Variants in PIK3AP1 observed in about 807,000 individuals in gnomAD.
PIK3AP1 encodes phosphoinositide-3-kinase adaptor protein 1, also known as phosphoinositide 3-kinase adapter protein 1.
A neutral mutation model predicts 88.1 loss-of-function variants in PIK3AP1; 21 were observed. That is an observed-to-expected ratio of 0.24 (90% CI 0.17 to 0.34). PIK3AP1 has a LOEUF of 0.34. Among genes scored for constraint, PIK3AP1 ranks in the 10% least tolerant of loss-of-function variants. The pLI is 1.00. For missense variants in PIK3AP1, 828 were observed against 1,035.7 expected (o/e 0.80, Z 2.75); for synonymous variants, 398 against 400.0 (o/e 1.00, Z 0.06).
rs573597733 is a variant in PIK3AP1, at chr10:96,596,388, G to A, written c.2361-754C>T. ...GATGCTTCCCCATGTAGCCCCCTAT[G>A]GGTTGATGTACCCCTGTTTTGGGAT... is the stretch of plus-strand genomic sequence containing the variant. On this transcript the variant is annotated intron_variant, in intron 16 of 16. Transcript: ENST00000339364. Among the ~76,000 whole-genome samples, 3 of 152,296 alleles carry A rather than the reference G, an allele frequency of 2.0e-5. No homozygotes were observed. The East Asian group carries it at 5.8e-4, about 29-fold the overall frequency.
chr10:96,634,957 G>A (rs1367841531), intron 8 of PIK3AP1, among the ~76,000 whole-genome samples: 1 of 152,110 alleles, frequency 6.6e-6, no homozygotes, highest in African/African-American at 2.4e-5. Flanking sequence ...TTCAAGCCTA[G>A]CAATATTGGG....
At chr10:96,629,924 A>AG (rs1554955569) in intron 8 of PIK3AP1, among the ~76,000 whole-genome samples, 2 of 57,876 alleles carry the variant, frequency 3.5e-5, no homozygotes, top group East Asian at 5.9e-4. Flanking sequence ...AAAAAAAAAA[A>AG]AAAAAAAAGA....
At chr10:96,690,113 A>G (rs1589539547) in intron 2 of PIK3AP1, among the ~76,000 whole-genome samples, 1 of 152,308 alleles carries the variant, frequency 6.6e-6, no homozygotes, top group South Asian at 2.1e-4. Flanking sequence ...GAAGGTAATT[A>G]TCATGTATCT....
intron 14 of PIK3AP1, among the ~76,000 whole-genome samples, chr10:96,606,771 G>T (rs1849009906): frequency 6.6e-6 from 1 of 152,182 alleles, no homozygotes; most frequent in Non-Finnish European, 1.5e-5. Context: ...GACAGGCTCT[G>T]GTTCTTTTTC....
chr10:96,660,006 CTA>C (rs1843664766), intron 2 of PIK3AP1, among the ~76,000 whole-genome samples: 1 of 151,722 alleles, frequency 6.6e-6, no homozygotes, highest in Non-Finnish European at 1.5e-5. Flanking sequence ...AAGGATAGTC[CTA>C]TTTTATATTA....
chr10:96,651,185 T>G, intron 6 of PIK3AP1, 63 bp downstream of exon 6: 1 of 1,597,720 alleles, frequency 6.3e-7, no homozygotes, highest in South Asian at 1.1e-5. Flanking sequence ...GTTGATGGGA[T>G]GCTGAAACCA....
chr10:96,681,998 A>G (rs201363217), intron 2 of PIK3AP1, among the ~76,000 whole-genome samples: 18 of 42,416 alleles, frequency 4.2e-4, no homozygotes, highest in African/African-American at 1.1e-3. Flanking sequence ...GTGTGTGTAT[A>G]TATATATATA....
At chr10:96,648,532 G>T in intron 7 of PIK3AP1, 127 bp downstream of exon 7, 1 of 1,014,326 alleles carries the variant, frequency 9.9e-7, no homozygotes, top group Non-Finnish European at 1.4e-6. Flanking sequence ...CACACATACT[G>T]CCCATGGCCA....
rs183713832 is a variant in PIK3AP1 at position 96,690,720 on chromosome 10, A to G, written c.430+18847T>C. On this transcript the variant is annotated intron_variant, in intron 2 of 16. Transcript: ENST00000339364. ...CCAAGTGGTGTGAATGGCAGCTGCC[A>G]AGTTTTTAGAAAGCCCACACTCCAG... 3.3e-5 allele frequency among the ~76,000 whole-genome samples: 5 copies of G among 152,320 alleles called. 1 individual carries two copies. The highest frequency in any genetic ancestry group is 3.3e-4 in the Admixed American group (5 of 15,296).
At chr10:96,630,137 G>A (rs1048321824) in intron 8 of PIK3AP1, among the ~76,000 whole-genome samples, 7 of 152,036 alleles carry the variant, frequency 4.6e-5, no homozygotes, top group Non-Finnish European at 8.8e-5. Flanking sequence ...ATTCTGACAT[G>A]TTTTTGTTAC....
intron 2 of PIK3AP1, among the ~76,000 whole-genome samples, chr10:96,677,413 C>G (rs907095841): frequency 2.0e-5 from 3 of 152,124 alleles, no homozygotes; most frequent in African/African-American, 7.2e-5. Flanking sequence ...AAAAACCCAC[C>G]ATTCACCACT....
At chr10:96,709,145 A>AC (rs1368892269) in intron 2 of PIK3AP1, among the ~76,000 whole-genome samples, 1 of 151,574 alleles carries the variant, frequency 6.6e-6, no homozygotes, top group Non-Finnish European at 1.5e-5. Flanking sequence ...AAAAAAAAAA[A>AC]AAAAACCCTT....
chr10:96,644,909 T>C (rs1378347112), intron 8 of PIK3AP1, among the ~76,000 whole-genome samples: 1 of 152,166 alleles, frequency 6.6e-6, no homozygotes, highest in Non-Finnish European at 1.5e-5. Flanking sequence ...CCAACATTAT[T>C]CCCATCATTT....
At chr10:96,622,545 C>T (rs1048513789) in intron 11 of PIK3AP1, among the ~76,000 whole-genome samples, 1 of 152,192 alleles carries the variant, frequency 6.6e-6, no homozygotes, top group Admixed American at 6.5e-5. Flanking sequence ...CCCAACCATT[C>T]ACTTATCTGT....
intron 2 of PIK3AP1, among the ~76,000 whole-genome samples, chr10:96,707,600 T>C (rs1844381564): frequency 1.3e-5 from 2 of 152,020 alleles, no homozygotes; most frequent in South Asian, 4.1e-4. Flanking sequence ...GCCACACTAC[T>C]GTAATATTTT....
intron 8 of PIK3AP1, among the ~76,000 whole-genome samples, chr10:96,637,600 T>C (rs1843330383): frequency 6.6e-6 from 1 of 152,088 alleles, no homozygotes; most frequent in Non-Finnish European, 1.5e-5. Context: ...TCTGCCCACT[T>C]TGGCCTCCCA....
chr10:96,661,437 C>A (rs976232040), intron 2 of PIK3AP1, among the ~76,000 whole-genome samples: 3 of 152,164 alleles, frequency 2.0e-5, no homozygotes, highest in Non-Finnish European at 4.4e-5. Context: ...TAAACTCTGG[C>A]CTTCGGGTGA....
intron 14 of PIK3AP1, among the ~76,000 whole-genome samples, chr10:96,604,915 A>G (rs1848975977): frequency 6.6e-6 from 1 of 151,992 alleles, no homozygotes; most frequent in African/African-American, 2.4e-5. Flanking sequence ...GCTGGAGTGC[A>G]GTGGCACGAT....
intron 2 of PIK3AP1, among the ~76,000 whole-genome samples, chr10:96,699,113 G>A (rs1385261344): frequency 6.6e-6 from 1 of 152,146 alleles, no homozygotes; most frequent in East Asian, 1.9e-4. Context: ...GAACCCAGGA[G>A]GTGGAGGTTG....
Sources: gnomAD v4.1 joint callset for allele counts (sites outside exome capture counted in the v4.1 genomes callset) on GRCh38, gnomAD v4.1.1 for gene constraint, MANE v1.5 for transcripts, NCBI Gene and HGNC (gene_info 2026-07-23, HGNC 2026-07-21) for gene names.